Variants in CDK14 observed in about 807,000 individuals in gnomAD.
CDK14 encodes cyclin dependent kinase 14, also known as cyclin-dependent kinase 14.
A neutral mutation model predicts 60.7 loss-of-function variants in CDK14; 34 were observed. The ratio of observed to expected loss-of-function variants is 0.56; its 90% CI spans 0.43 to 0.75. The LOEUF (loss-of-function observed/expected upper bound fraction) is 0.75. Ranked by LOEUF, CDK14 falls within the 30% of genes least tolerant of loss-of-function variation. The pLI is 0.00. For missense variants in CDK14, 482 were observed against 564.1 expected, an observed-to-expected ratio of 0.85 and a Z score of 1.47; for synonymous variants, 197 against 203.7, an observed-to-expected ratio of 0.97 and a Z score of 0.28.
chr7:90,640,762 G>GA (rs1387673148), intron 2 of CDK14, among the ~76,000 whole-genome samples: 1 of 151,784 alleles, frequency 6.6e-6, no homozygotes, highest in Non-Finnish European at 1.5e-5. Flanking sequence ...AAAAACCATT[G>GA]AAAGCCTCTG....
intron 6 of CDK14, among the ~76,000 whole-genome samples, chr7:90,882,262 CAAAAA>C (rs142619671): frequency 1.7e-5 from 2 of 116,638 alleles, no homozygotes; most frequent in African/African-American, 6.6e-5. Context: ...AAATGGAAAG[CAAAAA>C]AAAAAAAAAA....
Position 90,954,920 on chromosome 7 carries a change from C to T in CDK14, c.827-777C>T, listed in dbSNP as rs569398365. Among the ~76,000 whole-genome samples the T allele has an allele frequency of 1.6e-3, 4 of 2,430 alleles. 2 individuals are homozygous for T. The highest frequency in any genetic ancestry group is 0.01 in the Non-Finnish European group (2 of 192). The allele number at this position is 2,430 out of a possible 152,430, so 1.6% of individuals were successfully genotyped here. Reference sequence around the variant, plus strand: ...GATTACAGGCGTGAGCCACCGCGCCCGGCCCTTTTTTTTTTTTAGAGGGAA... The same window carrying T: ...GATTACAGGCGTGAGCCACCGCGCCTGGCCCTTTTTTTTTTTTAGAGGGAA... On this transcript the variant is annotated intron_variant, in intron 8 of 14. Coordinates refer to ENST00000380050, the MANE Select transcript of CDK14 (RefSeq NM_001287135.2).
chr7:91,016,589 G>A (rs1796309251), intron 10 of CDK14, among the ~76,000 whole-genome samples: 1 of 152,198 alleles, frequency 6.6e-6, no homozygotes, highest in East Asian at 1.9e-4. Context: ...TATTTCAGAT[G>A]TTGAGGGAGT....
rs746278882 is a variant in CDK14, at chr7:91,080,330, G to A, written c.1154+850G>A. 1.9e-4 allele frequency among the ~76,000 whole-genome samples: 29 copies of A among 152,106 alleles called. 1 individual carries two copies. Among genetic ancestry groups the A allele is most frequent in the Admixed American group, 1.6e-3 (25 of 15,272 alleles). On this transcript the variant is annotated intron_variant, in intron 12 of 14. Transcript: ENST00000380050. ...TTTCATATTAAAATGCTGCTAATCC[G>A]TGCTCTCAGTGGATACAGTGGACAG...
At chr7:91,104,291 T>C (rs1391048302) in intron 12 of CDK14, among the ~76,000 whole-genome samples, 3 of 152,060 alleles carry the variant, frequency 2.0e-5, no homozygotes, top group Admixed American at 6.5e-5. Context: ...CTGAAATCTA[T>C]AGGAGGGCCT....
At chr7:91,032,505 G>T (rs1417552954) in intron 10 of CDK14, among the ~76,000 whole-genome samples, 3 of 152,186 alleles carry the variant, frequency 2.0e-5, no homozygotes, top group African/African-American at 7.2e-5. Context: ...ATCCAGGTAA[G>T]CCATAAGTTC....
At chr7:90,886,366 A>G (rs1220396071) in intron 6 of CDK14, among the ~76,000 whole-genome samples, 3 of 152,168 alleles carry the variant, frequency 2.0e-5, no homozygotes, top group African/African-American at 7.2e-5. Context: ...ATTGAGAGAT[A>G]TTTTACCCAA....
intron 12 of CDK14, among the ~76,000 whole-genome samples, chr7:91,083,497 AGTAT>A (rs1798539212): frequency 1.3e-5 from 2 of 152,172 alleles, no homozygotes; most frequent in Non-Finnish European, 2.9e-5. Context: ...TGCCATACAT[AGTAT>A]TGTTTGGAGG....
At position 91,008,607 on chromosome 7, in the gene CDK14, A is replaced by G. The variant is rs549298995; in HGVS notation, c.1041+24366A>G. Among the ~76,000 whole-genome samples, 17 of 152,232 alleles carry G rather than the reference A, an allele frequency of 1.1e-4. No homozygotes were observed. In the East Asian group the frequency reaches 2.1e-3, roughly 19 times the overall value. On this transcript the variant is annotated intron_variant, in intron 10 of 14. Coordinates refer to ENST00000380050, the MANE Select transcript of CDK14 (RefSeq NM_001287135.2). Reference sequence around the variant, plus strand: ...CAGAATCTCAAAAAGACTGGAACATATCAAAGTGAGTGGGGGAGAATTTGC... The same window carrying G: ...CAGAATCTCAAAAAGACTGGAACATGTCAAAGTGAGTGGGGGAGAATTTGC...
intron 2 of CDK14, among the ~76,000 whole-genome samples, chr7:90,640,203 C>A (rs1420546195): frequency 6.6e-6 from 1 of 152,112 alleles, no homozygotes; most frequent in Non-Finnish European, 1.5e-5. Context: ...AATCACCCGT[C>A]TTCTGCGTGG....
chr7:90,606,495 C>T (rs1456731107), intron 2 of CDK14, among the ~76,000 whole-genome samples: 1 of 152,268 alleles, frequency 6.6e-6, no homozygotes, highest in East Asian at 1.9e-4. Flanking sequence ...GTCATTGATG[C>T]TTTCACTTTG....
chr7:90,707,016 C>T (rs138151874), intron 2 of CDK14, among the ~76,000 whole-genome samples: 22 of 152,188 alleles, frequency 1.4e-4, no homozygotes, highest in African/African-American at 5.1e-4. Context: ...GCACTGCCCC[C>T]AATAAATTGT....
At position 90,983,679 on chromosome 7, in the gene CDK14, C is replaced by CAA. The variant is rs199848997; in HGVS notation, c.948-455_948-454dup. On this transcript the variant is annotated intron_variant, in intron 9 of 14. Transcript: ENST00000380050. ...TGGGGGACAGAGCAAGACTCCATCT[C>CAA]AAAAAAAAAAAAAAAGAATGAAATA... 4.6e-4 allele frequency among the ~76,000 whole-genome samples: 54 copies of CAA among 116,912 alleles called. 1 individual carries two copies. Among genetic ancestry groups the CAA allele is most frequent in the Admixed American group, 2.0e-3 (24 of 11,758 alleles). The allele number at this position is 116,912 out of a possible 152,430, so 76.7% of individuals were successfully genotyped here. A position where few individuals can be genotyped will look rare whatever the true frequency, so the allele number is the denominator to read the frequency against.
intron 5 of CDK14, among the ~76,000 whole-genome samples, chr7:90,856,333 T>C (rs1245892246): frequency 6.6e-6 from 1 of 152,156 alleles, no homozygotes; most frequent in Non-Finnish European, 1.5e-5. Context: ...AAAAAGCAAA[T>C]ATGGGGTCCA....
chr7:90,844,693 G>T (rs2117158144), intron 5 of CDK14, among the ~76,000 whole-genome samples: 1 of 152,260 alleles, frequency 6.6e-6, no homozygotes, highest in South Asian at 2.1e-4. Context: ...GTCAACAAAT[G>T]AAGGATAAGA....
At chr7:90,879,342 G>T (rs1412097956) in intron 6 of CDK14, among the ~76,000 whole-genome samples, 5 of 152,178 alleles carry the variant, frequency 3.3e-5, no homozygotes, top group African/African-American at 1.2e-4. Flanking sequence ...ATTAAATGCA[G>T]TTATGTATCG....
intron 2 of CDK14, among the ~76,000 whole-genome samples, chr7:90,633,340 C>T (rs1377102340): frequency 1.3e-5 from 2 of 151,956 alleles, no homozygotes; most frequent in Admixed American, 6.6e-5. Context: ...TTGGCTTATG[C>T]GTAAGTTAGA....
rs540067498 is a variant in CDK14, at chr7:91,036,363, A to T, written c.1042-9534A>T. 2.6e-5 allele frequency among the ~76,000 whole-genome samples: 4 copies of T among 152,306 alleles called. No individual in the cohort carries two copies. In the South Asian group the frequency reaches 8.3e-4, roughly 32 times the overall value. ...CTTGCTTCCTCAAAGCCAGCAAGGG[A>T]GCAAGTCCACTAGCACAATGGCTGT... is the stretch of plus-strand genomic sequence containing the variant. On this transcript the variant is annotated intron_variant, in intron 10 of 14. Coordinates refer to ENST00000380050, the MANE Select transcript of CDK14 (RefSeq NM_001287135.2).
chr7:91,196,014 T>C (rs1802527170), intron 14 of CDK14, among the ~76,000 whole-genome samples: 1 of 152,204 alleles, frequency 6.6e-6, no homozygotes, highest in Non-Finnish European at 1.5e-5. Flanking sequence ...CTTTCTCCCT[T>C]TCTAGACATT....
Sources: allele counts gnomAD v4.1 joint callset (sites outside exome capture counted in the v4.1 genomes callset), GRCh38; gene constraint gnomAD v4.1.1; transcripts MANE v1.5; gene names NCBI Gene and HGNC (gene_info 2026-07-23, HGNC 2026-07-21).